The following RBFOX1 variants were observed in gnomAD, a reference collection of about 807,000 sequenced individuals.
RBFOX1 encodes RNA binding protein fox-1 homolog 1.
RBFOX1 carries 8 observed loss-of-function variants against 57.7 expected under a neutral mutation model. That is an observed-to-expected ratio of 0.14 (90% CI 0.08 to 0.25). The LOEUF (loss-of-function observed/expected upper bound fraction) is 0.25, where lower values mean the gene tolerates loss of function less well. Ranked by LOEUF, RBFOX1 falls within the 10% of genes least tolerant of loss-of-function variation. The probability of loss-of-function intolerance (pLI) is 1.00; values close to 1 mark genes in which losing one functional copy is unlikely to be tolerated. For synonymous variants in RBFOX1, 326 were observed against 222.4 expected (o/e 1.47, Z -4.15); for missense variants, 611 against 548.5 (o/e 1.11, Z -1.14).
At chr16:6,493,306 G>T (rs1439715114) in intron 2 of RBFOX1, among the ~76,000 whole-genome samples, 1 of 152,054 alleles carries the variant, frequency 6.6e-6, no homozygotes, top group African/African-American at 2.4e-5. Context: ...TGGGGTGTTG[G>T]AATTTCCTAA....
At chr16:7,026,232 A>G (rs545359148) in intron 3 of RBFOX1, among the ~76,000 whole-genome samples, 2 of 152,268 alleles carry the variant, frequency 1.3e-5, no homozygotes, top group Non-Finnish European at 2.9e-5. Flanking sequence ...CAAGAGGCCA[A>G]CACCCATGAA....
At chr16:7,021,451 A>T (rs1215942981) in intron 3 of RBFOX1, among the ~76,000 whole-genome samples, 1 of 145,536 alleles carries the variant, frequency 6.9e-6, no homozygotes, top group African/African-American at 2.5e-5. Context: ...ATATATCAGT[A>T]TTAATTTTTA....
At chr16:5,895,681 C>T (rs779759613) in intron 4 of RBFOX1, among the ~76,000 whole-genome samples, 5 of 152,176 alleles carry the variant, frequency 3.3e-5, no homozygotes, top group Non-Finnish European at 5.9e-5. Context: ...CTCTTGCAGA[C>T]TTAGTCTTCT....
chr16:6,913,788 AAC>A (rs1284773087), intron 3 of RBFOX1, among the ~76,000 whole-genome samples: 1 of 152,154 alleles, frequency 6.6e-6, no homozygotes, highest in African/African-American at 2.4e-5. Flanking sequence ...TTGAGTCTGA[AAC>A]ACACAGTGAC....
chr16:6,892,816 C>G (rs1453729478), intron 3 of RBFOX1, among the ~76,000 whole-genome samples: 5 of 101,818 alleles, frequency 4.9e-5, no homozygotes, highest in South Asian at 3.1e-4. Context: ...CTCTCTCTCT[C>G]TCTCTCTCTC....
chr16:7,110,467 A>G (rs761086578), intron 4 of RBFOX1, among the ~76,000 whole-genome samples: 2 of 152,212 alleles, frequency 1.3e-5, no homozygotes, highest in African/African-American at 4.8e-5. Flanking sequence ...ACTTCAGCCA[A>G]TTAACACAGG....
intron 3 of RBFOX1, among the ~76,000 whole-genome samples, chr16:5,702,067 G>A (rs1462818325): frequency 1.3e-5 from 2 of 152,180 alleles, no homozygotes; most frequent in Non-Finnish European, 2.9e-5. Flanking sequence ...AGCTATCAGT[G>A]AGAAGGAGGT....
chr16:6,523,957 G>A (rs1472274532), intron 2 of RBFOX1, among the ~76,000 whole-genome samples: 1 of 152,136 alleles, frequency 6.6e-6, no homozygotes, highest in African/African-American at 2.4e-5. Context: ...CACACATCAT[G>A]GAGAATGGGG....
intron 1 of RBFOX1, among the ~76,000 whole-genome samples, chr16:5,462,432 T>TGCTGGGATTACAG (rs1167034936): frequency 6.6e-6 from 1 of 152,020 alleles, no homozygotes; most frequent in African/African-American, 2.4e-5. Flanking sequence ...CCTCCCAAAG[T>TGCTGGGATTACAG]GCTGGGATTA....
intron 3 of RBFOX1, among the ~76,000 whole-genome samples, chr16:6,829,758 C>T (rs1008873316): frequency 1.3e-5 from 2 of 152,032 alleles, no homozygotes; most frequent in African/African-American, 4.8e-5. Context: ...CCTGCCACAA[C>T]ACCCAGCTAA....
chr16:6,847,547 G>C (rs980831122), intron 3 of RBFOX1, among the ~76,000 whole-genome samples: 1 of 152,108 alleles, frequency 6.6e-6, no homozygotes, highest in Admixed American at 6.5e-5. Context: ...CACAGTCAAG[G>C]TGTAGGGAAG....
At chr16:6,216,289 A>C (rs11077012) in intron 1 of RBFOX1, among the ~76,000 whole-genome samples, 9 of 151,646 alleles carry the variant, frequency 5.9e-5, no homozygotes, top group African/African-American at 2.2e-4. Context: ...AAATAAAAGT[A>C]TAAAAACCCC....
At chr16:6,962,680 C>T (rs1230295244) in intron 3 of RBFOX1, among the ~76,000 whole-genome samples, 1 of 152,074 alleles carries the variant, frequency 6.6e-6, no homozygotes, top group Non-Finnish European at 1.5e-5. Context: ...GCCTGAGCAA[C>T]ACAGTGAAAG....
intron 1 of RBFOX1, among the ~76,000 whole-genome samples, chr16:6,263,435 AG>A (rs1433791215): frequency 2.0e-5 from 3 of 152,194 alleles, no homozygotes; most frequent in African/African-American, 7.2e-5. Flanking sequence ...GGGGGAAAAA[AG>A]TAAACTTATT....
chr16:5,300,632 C>G (rs987150007), intron 1 of RBFOX1, among the ~76,000 whole-genome samples: 3 of 152,080 alleles, frequency 2.0e-5, no homozygotes, highest in Non-Finnish European at 4.4e-5. Flanking sequence ...ACATCTGGGA[C>G]TCGGCTTTTG....
intron 2 of RBFOX1, among the ~76,000 whole-genome samples, chr16:6,561,035 C>T (rs2097173075): frequency 6.6e-6 from 1 of 152,200 alleles, no homozygotes; most frequent in Non-Finnish European, 1.5e-5. Flanking sequence ...CAACCACAGG[C>T]TTAAGTTGAA....
intron 5 of RBFOX1, among the ~76,000 whole-genome samples, chr16:7,541,411 G>T (rs1440934835): frequency 6.6e-6 from 1 of 151,904 alleles, no homozygotes; most frequent in Non-Finnish European, 1.5e-5. Context: ...GCTCCTTTCT[G>T]CTATGACATC....
At chr16:7,038,117 A>G (rs1013108522) in intron 3 of RBFOX1, among the ~76,000 whole-genome samples, 1 of 152,080 alleles carries the variant, frequency 6.6e-6, no homozygotes, top group Non-Finnish European at 1.5e-5. Flanking sequence ...CTCTGGATGT[A>G]GAGAGGGGGA....
chr16:6,567,669 C>G (rs535513592), intron 2 of RBFOX1, among the ~76,000 whole-genome samples: 25 of 152,268 alleles, frequency 1.6e-4, no homozygotes, highest in African/African-American at 5.8e-4. Context: ...TGCCTGGCAC[C>G]CAGTAGATAT....
Sources: gnomAD v4.1 joint callset for allele counts (sites outside exome capture counted in the v4.1 genomes callset) on GRCh38, gnomAD v4.1.1 for gene constraint, MANE v1.5 for transcripts, NCBI Gene and HGNC (gene_info 2026-07-23, HGNC 2026-07-21) for gene names.